Variants in CEP85L observed in about 807,000 individuals in gnomAD.
CEP85L encodes centrosomal protein of 85 kDa-like.
In CEP85L, 60 loss-of-function variants were observed where a neutral mutation model predicts 100.3. The observed-to-expected ratio is 0.60, with a 90% CI of 0.49 to 0.74. CEP85L has a LOEUF of 0.74. Ranked by LOEUF, CEP85L falls within the 30% of genes least tolerant of loss-of-function variation. CEP85L has a pLI of 0.00. For missense variants in CEP85L, 973 were observed against 936.2 expected (o/e 1.04, Z -0.51); for synonymous variants, 319 against 322.7 (o/e 0.99, Z 0.12).
rs1413535648 is a variant in CEP85L, at chr6:118,461,080, CAT to C, written c.*4323_*4324del. The C allele has an allele frequency of 6.6e-6, 1 of 150,776 alleles. No individual in the cohort carries two copies. Among genetic ancestry groups the C allele is most frequent in the Non-Finnish European group, 1.5e-5 (1 of 67,818 alleles). The allele number at this position is 150,776 out of a possible 1,614,324, so 9.3% of individuals were successfully genotyped here. On this transcript the variant is annotated 3_prime_UTR_variant, in exon 13 of 13. Transcript: ENST00000368491. ...TTAAGTCATGAACACTGTATTTACA[CAT>C]GAGGTATTCTGGGTGGTTCAAAAAC...
intron 2 of CEP85L, among the ~76,000 whole-genome samples, chr6:118,586,249 C>A (rs1233096885): frequency 6.6e-6 from 1 of 152,112 alleles, no homozygotes; most frequent in South Asian, 2.1e-4. Context: ...TAAGAGATAC[C>A]CCTTGAAAAT....
chr6:118,527,641 G>A (rs1273153283), intron 3 of CEP85L, among the ~76,000 whole-genome samples: 1 of 152,008 alleles, frequency 6.6e-6, no homozygotes, highest in African/African-American at 2.4e-5. Flanking sequence ...GGCTCAAACA[G>A]GAAATTTATT....
chr6:118,572,858 T>TA (rs200693686), intron 2 of CEP85L, among the ~76,000 whole-genome samples: 4,423 of 152,180 alleles, frequency 0.029, 108 homozygotes, highest in African/African-American at 0.056. Flanking sequence ...GGTCAGGAGT[T>TA]AGAGACCAGC....
intron 4 of CEP85L, among the ~76,000 whole-genome samples, chr6:118,519,521 G>C (rs1178836679): frequency 3.3e-5 from 2 of 60,660 alleles, no homozygotes; most frequent in Non-Finnish European, 6.2e-5. Context: ...TGGCGGGGGG[G>C]TTGTGAAACT....
chr6:118,541,043 T>G (rs1481495453), intron 3 of CEP85L, among the ~76,000 whole-genome samples: 1 of 152,160 alleles, frequency 6.6e-6, no homozygotes, highest in Non-Finnish European at 1.5e-5. Context: ...CTTTTTCAAG[T>G]TAGCTAAGGG....
intron 2 of CEP85L, among the ~76,000 whole-genome samples, chr6:118,624,781 A>C (rs547357072): frequency 6.6e-6 from 1 of 152,352 alleles, no homozygotes; most frequent in East Asian, 1.9e-4. Context: ...ATAACTGATG[A>C]GAGAGGTGTC....
intron 1 of CEP85L, among the ~76,000 whole-genome samples, chr6:118,697,959 C>T (rs1777269758): frequency 6.6e-6 from 1 of 152,182 alleles, no homozygotes; most frequent in African/African-American, 2.4e-5. Context: ...GACGTTCCTG[C>T]TGCGAACTTC....
intron 1 of CEP85L, among the ~76,000 whole-genome samples, chr6:118,662,902 G>A (rs1219891598): frequency 6.6e-6 from 1 of 152,110 alleles, no homozygotes; most frequent in African/African-American, 2.4e-5. Flanking sequence ...TATTCATCCT[G>A]ATATAGTGGA....
intron 3 of CEP85L, among the ~76,000 whole-genome samples, chr6:118,555,214 G>A (rs944877521): frequency 6.6e-5 from 10 of 152,008 alleles, no homozygotes; most frequent in African/African-American, 2.2e-4. Flanking sequence ...GGTGGATCAC[G>A]AGGTCGGGAG....
intron 5 of CEP85L, among the ~76,000 whole-genome samples, chr6:118,500,278 A>G (rs1253264262): frequency 1.3e-5 from 2 of 152,150 alleles, no homozygotes; most frequent in Non-Finnish European, 2.9e-5. Flanking sequence ...CAAAAATGCC[A>G]AAGGGACCGT....
rs1471411420 is a variant in CEP85L at position 118,565,592 on chromosome 6, A to C, written c.957T>G (p.Ser319Arg). ...TTTGCTGCTGTTGCCAAGGAGCTAA[A>C]CTGTAAGAATCCTCTGTATTTCTAC... ...LEGRNTEDSY[S>R]LAPWQQQQIE... is the part of the protein sequence containing the mutation. Residue 319 changes from serine (S) to arginine (R), a missense_variant, in exon 3 of 13, where the codon AGT becomes AGG. Ser to Arg is a moderately radical substitution (Grantham distance 110, BLOSUM62 -1). Transcript: ENST00000368491. 2.2e-5 allele frequency: 35 copies of C among 1,614,184 alleles called. No homozygotes were observed. Among genetic ancestry groups the C allele is most frequent in the Non-Finnish European group, 3.0e-5 (35 of 1,180,014 alleles).
chr6:118,464,488 T>C lies in CEP85L; in HGVS notation c.*917A>G, dbSNP rs955202895. ...ACTGTTAAAATGTAAATGTTGAGAT[T>C]TGGATAAGTAAGCTATTGTTCCAGG... On this transcript the variant is annotated 3_prime_UTR_variant, in exon 13 of 13. Transcript: ENST00000368491. 3.9e-5 allele frequency: 6 copies of C among 152,118 alleles called. No individual in the cohort carries two copies. The highest frequency in any genetic ancestry group is 5.9e-5 in the Non-Finnish European group (4 of 67,998). 9.4% of individuals were successfully genotyped at this position (152,118 alleles called of 1,614,324 possible).
chr6:118,702,502 A>AC (rs1202441494), intron 1 of CEP85L, among the ~76,000 whole-genome samples: 1 of 152,122 alleles, frequency 6.6e-6, no homozygotes, highest in African/African-American at 2.4e-5. Context: ...ACAGAGGGAG[A>AC]CCCCATCTCA....
At chr6:118,470,988 G>T (rs754229850) in intron 10 of CEP85L, among the ~76,000 whole-genome samples, 2 of 152,042 alleles carry the variant, frequency 1.3e-5, no homozygotes, top group Non-Finnish European at 2.9e-5. Flanking sequence ...CTTTTTATAT[G>T]TAGAGAGTGT....
intron 2 of CEP85L, among the ~76,000 whole-genome samples, chr6:118,577,990 C>T (rs974084492): frequency 2.6e-5 from 4 of 152,110 alleles, no homozygotes; most frequent in African/African-American, 4.8e-5. Flanking sequence ...CACATAAGTT[C>T]GTACTCCTAA....
At position 118,464,406 on chromosome 6, in the gene CEP85L, CAGATAT is replaced by C. The variant is rs1293654456; in HGVS notation, c.*993_*998del. 1.3e-5 allele frequency: 2 copies of C among 152,046 alleles called. No homozygotes were observed. Among genetic ancestry groups the C allele is most frequent in the Non-Finnish European group, 2.9e-5 (2 of 67,976 alleles). 9.4% of individuals were successfully genotyped at this position (152,046 alleles called of 1,614,324 possible). On this transcript the variant is annotated 3_prime_UTR_variant, in exon 13 of 13. Coordinates refer to ENST00000368491, the MANE Select transcript of CEP85L (RefSeq NM_001042475.3). ...AAAAATGTTTATGCTACTGTTGATTCAGATATAAATAGTATTGGCTTTCTCTTACAG... is the reference window on the plus strand; with the variant it reads ...AAAAATGTTTATGCTACTGTTGATTCAAATAGTATTGGCTTTCTCTTACAG...
intron 10 of CEP85L, among the ~76,000 whole-genome samples, chr6:118,476,003 A>G (rs1773340313): frequency 6.6e-6 from 1 of 152,200 alleles, no homozygotes. Flanking sequence ...TAGGGCCCAG[A>G]AATATATATC....
intron 3 of CEP85L, among the ~76,000 whole-genome samples, chr6:118,540,754 T>A (rs901195381): frequency 6.8e-6 from 1 of 147,620 alleles, no homozygotes; most frequent in African/African-American, 2.5e-5. Context: ...AGACCCCATC[T>A]TAAATAAATA....
At chr6:118,483,900 T>G (rs1419984499) in intron 6 of CEP85L, 42 bp from the exon 7 acceptor site, 1 of 1,574,744 alleles carries the variant, frequency 6.4e-7, no homozygotes, top group African/African-American at 1.4e-5. Flanking sequence ...TTTTCAGTCA[T>G]TAAAAGATAT....
Sources: gnomAD v4.1 joint callset for allele counts (sites outside exome capture counted in the v4.1 genomes callset) on GRCh38, gnomAD v4.1.1 for gene constraint, MANE v1.5 for transcripts, NCBI Gene and HGNC (gene_info 2026-07-23, HGNC 2026-07-21) for gene names.